Variants in SEMA6A observed in about 807,000 individuals in gnomAD.
SEMA6A encodes the protein semaphorin 6A.
SEMA6A carries 25 observed loss-of-function variants against 96.8 expected under a neutral mutation model. The observed-to-expected ratio is 0.26, with a 90% confidence interval of 0.19 to 0.36. SEMA6A has a LOEUF of 0.36. SEMA6A is among the 10% of genes least tolerant of loss of function. The pLI is 1.00. For synonymous variants in SEMA6A, 612 were observed against 518.0 expected (o/e 1.18, Z -2.46); for missense variants, 1,363 against 1,323.1 (o/e 1.03, Z -0.47).
At chr5:116,450,254 G>A (rs1238101781) in intron 18 of SEMA6A, among the ~76,000 whole-genome samples, 1 of 151,872 alleles carries the variant, frequency 6.6e-6, no homozygotes, top group East Asian at 1.9e-4. Flanking sequence ...AATGGGGTGG[G>A]GGTGTATTAG....
At chr5:116,520,967 A>C (rs928991621) in intron 1 of SEMA6A, among the ~76,000 whole-genome samples, 2 of 152,134 alleles carry the variant, frequency 1.3e-5, no homozygotes, top group Non-Finnish European at 2.9e-5. Flanking sequence ...CTGTTGTAAT[A>C]ATGTCCCTGG....
rs757885432 is a variant in SEMA6A at position 116,502,242 on chromosome 5, C to T, written c.186G>A (p.Met62Ile). 8 of 1,613,816 alleles carry T rather than the reference C, an allele frequency of 5.0e-6. No homozygotes were observed. The highest frequency in any genetic ancestry group is 5.1e-6 in the Non-Finnish European group (6 of 1,179,852). The change falls in exon 3 of 19, where the codon ATG becomes ATA. Residue 62 changes from methionine (M) to isoleucine (I), a missense_variant. This residue lies in a region of SEMA6A where 480 missense variants were observed against 559.5 expected (regional missense o/e 0.86). Coordinates refer to ENST00000343348, the MANE Select transcript of SEMA6A (RefSeq NM_020796.5). ...CAATGTAGAGGGTTCCGTTCATGATCATAATCATCTGGATGTCCAGCCTGT... is the reference window on the plus strand; with the variant it reads ...CAATGTAGAGGGTTCCGTTCATGATTATAATCATCTGGATGTCCAGCCTGT... ...QRHRLDIQMI[M>I]IMNGTLYIAA...
chr5:116,467,802 C>G (rs1554082664), intron 17 of SEMA6A, 55 bp from the exon 18 acceptor site: 172 of 1,587,584 alleles, frequency 1.1e-4, no homozygotes, highest in Non-Finnish European at 7.7e-6. Context: ...CCCACATTCC[C>G]TTTGCGCAGA....
In SEMA6A at chr5:116,478,627, A is replaced by C. The variant is rs751309297; in HGVS notation, c.1342T>G (p.Leu448Val). ...VFLGSEKGII[L>V]KFLARIGNSG... ...TTTCCTATTCTGGCCAAAAACTTCA[A>C]GATGATTCCCTTCTCTGATCCCAGA... Residue 448 changes from leucine to valine, a missense_variant, in exon 13 of 19, where the codon TTG (leucine) becomes GTG (valine). Leu to Val is a conservative substitution (Grantham distance 32, BLOSUM62 1). Coordinates refer to ENST00000343348, the MANE Select transcript of SEMA6A (RefSeq NM_020796.5). 6.2e-7 allele frequency: 1 copy of C among 1,613,692 alleles called. No homozygotes were observed. The highest frequency in any genetic ancestry group is 8.5e-7 in the Non-Finnish European group (1 of 1,179,814).
intron 18 of SEMA6A, among the ~76,000 whole-genome samples, chr5:116,460,057 AAAAAATAAAAAT>A (rs904314395): frequency 6.6e-6 from 1 of 151,836 alleles, no homozygotes; most frequent in Admixed American, 6.5e-5. Flanking sequence ...GAAAATGATA[AAAAAATAAAAAT>A]AAAAATAAAA....
chr5:116,573,214 C>T (rs1215635565), intron 1 of SEMA6A, among the ~76,000 whole-genome samples: 1 of 152,224 alleles, frequency 6.6e-6, no homozygotes, highest in Admixed American at 6.5e-5. Flanking sequence ...CATGGTAGCG[C>T]CCTAGGACAC....
rs1754447483 is a variant in SEMA6A at position 116,448,813 on chromosome 5, T to C, written c.1895-1002A>G. Among the ~76,000 whole-genome samples the C allele has an allele frequency of 2.7e-5, 4 of 148,858 alleles. No individual in the cohort carries two copies. The South Asian group carries it at 8.5e-4, about 32-fold the overall frequency. ...CAATTTCAGGTAACTATCCTGAATA[T>C]TTGAATGAAGCTTTCTCACTGGAAC... On this transcript the variant is annotated intron_variant, in intron 18 of 18. Coordinates refer to ENST00000343348, the MANE Select transcript of SEMA6A (RefSeq NM_020796.5).
At chr5:116,555,897 G>T (rs1760587629) in intron 1 of SEMA6A, among the ~76,000 whole-genome samples, 1 of 152,134 alleles carries the variant, frequency 6.6e-6, no homozygotes, top group South Asian at 2.1e-4. Context: ...CTTTGTTAGT[G>T]AAAATCCCTG....
Position 116,446,864 on chromosome 5 carries a change from AG to A in SEMA6A, c.2841del (p.Ser948ProfsTer34). ...CCCCTGCCAAAGCTCTGGTTTCTGG[AG>A]AGGTGAGAGGAATTGGAGGAGTTAG... Reference protein sequence around the residue: ...NNTNSSNSSHLSRNQSFGRGD... With the variant: ...NNTNSSNSSHXSRNQSFGRGD... On this transcript the variant is annotated frameshift_variant, in exon 19 of 19. Coordinates refer to ENST00000343348, the MANE Select transcript of SEMA6A (RefSeq NM_020796.5). LOFTEE classifies it high-confidence loss of function. 1.2e-6 allele frequency: 2 copies of A among 1,613,854 alleles called. No individual in the cohort carries two copies. The highest frequency in any genetic ancestry group is 1.7e-6 in the Non-Finnish European group (2 of 1,179,870).
intron 1 of SEMA6A, among the ~76,000 whole-genome samples, chr5:116,515,329 A>C (rs1236617505): frequency 6.6e-6 from 1 of 152,168 alleles, no homozygotes; most frequent in Admixed American, 6.5e-5. Flanking sequence ...TATTTTTTCT[A>C]AGAATATGAC....
chr5:116,447,278 TG>T lies in SEMA6A; in HGVS notation c.2427del (p.Ser810AlafsTer26). ...IPTDLPLRAS[P>X]SHIPSVVVLP... ...AGGACCACCACGCTGGGGATGTGGC[TG>T]GGGGAGGCCCGCAGGGGCAGGTCCG... On this transcript the variant is annotated frameshift_variant, in exon 19 of 19. Transcript: ENST00000343348. LOFTEE classifies it high-confidence loss of function. 1.2e-6 allele frequency: 2 copies of T among 1,613,854 alleles called. No individual in the cohort carries two copies. Among genetic ancestry groups the T allele is most frequent in the Non-Finnish European group, 8.5e-7 (1 of 1,179,894 alleles).
intron 1 of SEMA6A, among the ~76,000 whole-genome samples, chr5:116,543,898 C>T (rs1760079668): frequency 6.6e-6 from 1 of 152,196 alleles, no homozygotes. Context: ...GCTCTCTCTT[C>T]TCTACTTCTC....
chr5:116,445,258 C>G lies in SEMA6A; in HGVS notation c.*1355G>C, dbSNP rs925664476. 1 of 152,640 alleles carries G rather than the reference C, an allele frequency of 6.6e-6. No individual in the cohort carries two copies. The highest frequency in any genetic ancestry group is 1.5e-5 in the Non-Finnish European group (1 of 68,042). The allele number at this position is 152,640 out of a possible 1,614,324, so 9.5% of individuals were successfully genotyped here. On this transcript the variant is annotated 3_prime_UTR_variant, in exon 19 of 19. Transcript: ENST00000343348. ...TCTGCACTTATTTCAAAAGGGGGAACAGTTGATCATAAAGAGTTTACAAGT... is the reference window on the plus strand; with the variant it reads ...TCTGCACTTATTTCAAAAGGGGGAAGAGTTGATCATAAAGAGTTTACAAGT...
rs1365865850 is a variant in SEMA6A, at chr5:116,480,020, CAGA to C, written c.1250+99_1250+101del. 26 of 1,363,860 alleles carry C rather than the reference CAGA, an allele frequency of 1.9e-5. No individual in the cohort carries two copies. In the African/African-American group the frequency reaches 3.0e-4, roughly 16 times the overall value. The allele number at this position is 1,363,860 out of a possible 1,614,324, so 84.5% of individuals were successfully genotyped here. A position where few individuals can be genotyped will look rare whatever the true frequency, so the allele number is the denominator to read the frequency against. On this transcript the variant is annotated intron_variant, in intron 12 of 18. Coordinates refer to ENST00000343348, the MANE Select transcript of SEMA6A (RefSeq NM_020796.5). The stretch of plus-strand genomic sequence containing the variant: ...ACAGCTGAATGAATGCCCAGGATAG[CAGA>C]AGATGTTTGTGGCATTTCAAAGCAT...
At position 116,478,108 on chromosome 5, in the gene SEMA6A, G is replaced by A. The variant is rs776379505; in HGVS notation, c.1474C>T (p.Leu492=). The A allele has an allele frequency of 2.5e-6, 4 of 1,613,784 alleles. No individual in the cohort carries two copies. The African/African-American group carries it at 5.3e-5, about 22-fold the overall frequency. ...VEDKRIMGMQ[L]DRASSSLYVA... is the part of the protein sequence containing the mutation. The stretch of plus-strand genomic sequence containing the variant: ...TACAGAGAGCTGCTTGCTCTGTCCA[G>A]CTGCATGCCCATGATCCTTTTGTCT... Residue 492 remains leucine, a synonymous_variant, in exon 14 of 19, where the codon CTG becomes TTG. Transcript: ENST00000343348.
chr5:116,483,432 G>T (rs565353261), intron 10 of SEMA6A, among the ~76,000 whole-genome samples: 20 of 152,254 alleles, frequency 1.3e-4, no homozygotes, highest in Middle Eastern at 3.4e-3. Context: ...GAGATAGTGG[G>T]TCATTACATG....
chr5:116,471,263 C>T (rs908228444), intron 17 of SEMA6A: 2 of 152,052 alleles, frequency 1.3e-5, no homozygotes, highest in Non-Finnish European at 2.9e-5. Flanking sequence ...TAAGTAAGTA[C>T]CTTTCCTTTT....
chr5:116,493,804 T>A (rs1453475568), intron 6 of SEMA6A, among the ~76,000 whole-genome samples: 1 of 152,230 alleles, frequency 6.6e-6, no homozygotes, highest in East Asian at 1.9e-4. Context: ...AACCCAAATC[T>A]ATATTTCTCT....
intron 1 of SEMA6A, among the ~76,000 whole-genome samples, chr5:116,510,450 G>C (rs1381826909): frequency 6.6e-6 from 1 of 152,082 alleles, no homozygotes; most frequent in African/African-American, 2.4e-5. Context: ...GAAACCCTCT[G>C]CCCCCTTACT....
Sources: gnomAD v4.1 joint callset for allele counts (sites outside exome capture counted in the v4.1 genomes callset) on GRCh38, gnomAD v4.1.1 for gene constraint, gnomAD v4.1.1 regional missense constraint, MANE v1.5 for transcripts, NCBI Gene and HGNC (gene_info 2026-07-23, HGNC 2026-07-21) for gene names.